The following EHD4 variants were observed in gnomAD, a reference collection of about 807,000 sequenced individuals.
EHD4 encodes the protein EH domain containing 4.
Under a neutral mutation model 51.0 loss-of-function variants are expected in EHD4, and 37 were observed. The observed-to-expected ratio is 0.73, with a 90% CI of 0.56 to 0.95. The LOEUF (loss-of-function observed/expected upper bound fraction) is 0.95. Ranked by LOEUF, EHD4 falls within the 40% of genes least tolerant of loss-of-function variation. The probability of loss-of-function intolerance (pLI) is 0.00; values close to 1 mark genes in which losing one functional copy is unlikely to be tolerated. For synonymous variants in EHD4, 297 were observed against 317.3 expected, an observed-to-expected ratio of 0.94 and a Z score of 0.68; for missense variants, 632 against 733.1, an observed-to-expected ratio of 0.86 and a Z score of 1.59.
intron 1 of EHD4, among the ~76,000 whole-genome samples, chr15:41,968,804 A>T (rs1566829075): frequency 6.6e-6 from 1 of 152,244 alleles, no homozygotes; most frequent in Non-Finnish European, 1.5e-5. Flanking sequence ...TATAATTCAT[A>T]TACCAGAAAA....
intron 4 of EHD4, among the ~76,000 whole-genome samples, chr15:41,910,784 G>C (rs1476903480): frequency 1.3e-5 from 2 of 152,104 alleles, no homozygotes; most frequent in African/African-American, 4.8e-5. Flanking sequence ...GGCCAGGCTG[G>C]TCTCGAACTC....
intron 3 of EHD4, among the ~76,000 whole-genome samples, chr15:41,922,595 C>T (rs1420136276): frequency 6.6e-6 from 1 of 152,188 alleles, no homozygotes; most frequent in Non-Finnish European, 1.5e-5. Flanking sequence ...TCTCTTCCTC[C>T]CAGGGCCGCC....
intron 1 of EHD4, among the ~76,000 whole-genome samples, chr15:41,963,259 C>T (rs1166583283): frequency 6.6e-6 from 1 of 151,400 alleles, no homozygotes; most frequent in Non-Finnish European, 1.5e-5. Context: ...GCCAAATCCC[C>T]CCCTCGGAGA....
chr15:41,940,565 C>G (rs1333288071), intron 3 of EHD4, among the ~76,000 whole-genome samples: 1 of 152,218 alleles, frequency 6.6e-6, no homozygotes, highest in East Asian at 1.9e-4. Flanking sequence ...GCCCGTCGTG[C>G]TGTCATCGCT....
intron 3 of EHD4, among the ~76,000 whole-genome samples, chr15:41,922,476 T>G (rs990362594): frequency 6.6e-6 from 1 of 152,212 alleles, no homozygotes; most frequent in African/African-American, 2.4e-5. Flanking sequence ...CCTCTTACTG[T>G]CGGTTCCGAA....
intron 5 of EHD4, among the ~76,000 whole-genome samples, chr15:41,909,423 A>C (rs1179167431): frequency 6.6e-6 from 1 of 152,172 alleles, no homozygotes; most frequent in Admixed American, 6.5e-5. Context: ...CCGCAACATC[A>C]ACCAGCCTCC....
intron 3 of EHD4, among the ~76,000 whole-genome samples, chr15:41,923,198 G>A (rs1938790348): frequency 6.6e-6 from 1 of 152,084 alleles, no homozygotes; most frequent in South Asian, 2.1e-4. Flanking sequence ...TCTACTTTTT[G>A]TCTCTATGAA....
chr15:41,937,562 T>G (rs2067740104), intron 3 of EHD4, among the ~76,000 whole-genome samples: 1 of 152,228 alleles, frequency 6.6e-6, no homozygotes, highest in Non-Finnish European at 1.5e-5. Flanking sequence ...GTTCTTGGTC[T>G]TTTAGGAAAA....
At chr15:41,904,337 A>G (rs867082316) in intron 5 of EHD4, among the ~76,000 whole-genome samples, 1 of 151,698 alleles carries the variant, frequency 6.6e-6, no homozygotes, top group Non-Finnish European at 1.5e-5. Flanking sequence ...CAAGAAATAA[A>G]CCCTCCATTC....
chr15:41,955,442 C>T (rs1027083813), intron 1 of EHD4, among the ~76,000 whole-genome samples: 3 of 152,020 alleles, frequency 2.0e-5, no homozygotes, highest in African/African-American at 4.8e-5. Context: ...CAGGGTGTGT[C>T]ACTTGGCATG....
intron 4 of EHD4, among the ~76,000 whole-genome samples, chr15:41,918,195 T>G (rs1621597): frequency 6.7e-6 from 1 of 149,006 alleles, no homozygotes; most frequent in Admixed American, 6.7e-5. Flanking sequence ...GACTGGCACA[T>G]AGCCAATCAC....
At chr15:41,967,962 A>T (rs2067971063) in intron 1 of EHD4, among the ~76,000 whole-genome samples, 1 of 152,190 alleles carries the variant, frequency 6.6e-6, no homozygotes. Context: ...CTGTGGTTTT[A>T]ATCCCCTCTT....
intron 5 of EHD4, among the ~76,000 whole-genome samples, chr15:41,906,398 C>A (rs1183161430): frequency 6.6e-6 from 1 of 152,230 alleles, no homozygotes; most frequent in East Asian, 1.9e-4. Flanking sequence ...CCCAATCTTC[C>A]CATCCCCTCT....
rs1398796525 is a variant in EHD4, at chr15:41,896,330, G to T, written c.*4315C>A. On this transcript the variant is annotated 3_prime_UTR_variant, in exon 6 of 6. Coordinates refer to ENST00000220325, the MANE Select transcript of EHD4 (RefSeq NM_139265.4). ...AGCAGCTCTGGACACCCCTCTCAGT[G>T]CCATTTATATTGTTGCATCAATAGG... 2 of 152,204 alleles carry T rather than the reference G, an allele frequency of 1.3e-5. No individual in the cohort carries two copies. Among genetic ancestry groups the T allele is most frequent in the Non-Finnish European group, 2.9e-5 (2 of 68,066 alleles). The allele number at this position is 152,204 out of a possible 1,614,324, so 9.4% of individuals were successfully genotyped here.
Position 41,919,248 on chromosome 15 carries a change from T to A in EHD4, c.886A>T (p.Lys296Ter). 6.2e-7 allele frequency: 1 copy of A among 1,614,124 alleles called. No individual in the cohort carries two copies. Among genetic ancestry groups the A allele is most frequent in the Non-Finnish European group, 8.5e-7 (1 of 1,180,036 alleles). Residue 296 changes from lysine to a stop codon, truncating the protein, a stop_gained, in exon 4 of 6, where the codon AAG becomes TAG. Transcript: ENST00000220325. LOFTEE classifies it high-confidence loss of function. ...GCTCGCTTGATGAGGTCGTTGAGCT[T>A]GCGCACCGCTGCCTTCTGGGGGAGG... Reference protein sequence around the residue: ...QSLPQKAAVRKLNDLIKRARL... With the variant: ...QSLPQKAAVR
rs1469042972 is a variant in EHD4 at position 41,899,235 on chromosome 15, A to G, written c.*1410T>C. Reference sequence around the variant, plus strand: ...GTATGCAATTTTCTGGAGATGAGGCAGGGAGATTTGCAAGGAAAAGTCACC... The same window carrying G: ...GTATGCAATTTTCTGGAGATGAGGCGGGGAGATTTGCAAGGAAAAGTCACC... On this transcript the variant is annotated 3_prime_UTR_variant, in exon 6 of 6. Coordinates refer to ENST00000220325, the MANE Select transcript of EHD4 (RefSeq NM_139265.4). The G allele has an allele frequency of 2.6e-5, 4 of 152,232 alleles. No individual in the cohort carries two copies. The highest frequency in any genetic ancestry group is 4.4e-5 in the Non-Finnish European group (3 of 68,046). 9.4% of individuals were successfully genotyped at this position (152,232 alleles called of 1,614,324 possible). A position where few individuals can be genotyped will look rare whatever the true frequency, so the allele number is the denominator to read the frequency against.
chr15:41,920,402 C>G (rs1350670664), intron 3 of EHD4, among the ~76,000 whole-genome samples: 1 of 152,182 alleles, frequency 6.6e-6, no homozygotes, highest in African/African-American at 2.4e-5. Context: ...CCCAGGGAGG[C>G]AGATTCCCAC....
In EHD4 at chr15:41,943,281, G is replaced by C. The variant is rs1262175550; in HGVS notation, c.414-117C>G. ...ATCTGTAAAGTGGGGGCCTGAAGGA[G>C]ACTGACAGAAACTGAGGATGCCTAA... On this transcript the variant is annotated intron_variant, in intron 2 of 5. Coordinates refer to ENST00000220325, the MANE Select transcript of EHD4 (RefSeq NM_139265.4). 4.1e-6 allele frequency: 3 copies of C among 725,512 alleles called. No homozygotes were observed. The African/African-American group carries it at 5.3e-5, about 13-fold the overall frequency. 44.9% of individuals were successfully genotyped at this position (725,512 alleles called of 1,614,324 possible). A position where few individuals can be genotyped will look rare whatever the true frequency, so the allele number is the denominator to read the frequency against.
chr15:41,954,698 T>C (rs1047208298), intron 1 of EHD4, among the ~76,000 whole-genome samples: 71 of 151,946 alleles, frequency 4.7e-4, no homozygotes, highest in African/African-American at 1.6e-3. Context: ...AGTGCAGTGG[T>C]GCAATCTCGG....
Sources: gnomAD v4.1 joint callset for allele counts (sites outside exome capture counted in the v4.1 genomes callset) on GRCh38, gnomAD v4.1.1 for gene constraint, MANE v1.5 for transcripts, NCBI Gene and HGNC (gene_info 2026-07-23, HGNC 2026-07-21) for gene names.